Variants in HDAC6 observed in about 807,000 individuals in gnomAD.
The protein encoded by HDAC6 is histone deacetylase 6.
A neutral mutation model predicts 88.9 loss-of-function variants in HDAC6; 5 were observed. The ratio of observed to expected loss-of-function variants is 0.06; its 90% confidence interval spans 0.03 to 0.12. HDAC6 has a LOEUF of 0.12. Ranked by LOEUF, HDAC6 falls within the 10% of genes least tolerant of loss-of-function variation. The pLI, the probability that HDAC6 is intolerant of heterozygous loss-of-function variation, is 1.00. For missense variants in HDAC6, 706 were observed against 1,014.4 expected (o/e 0.70, Z 4.13); for synonymous variants, 378 against 398.0 (o/e 0.95, Z 0.60).
At chrX:48,810,486 A>T (rs1161634180) in intron 10 of HDAC6, 3 of 111,613 alleles carry the variant, frequency 2.7e-5, no homozygotes, top group Non-Finnish European at 5.7e-5. Flanking sequence ...ATTTTCTATT[A>T]GATCTTTGAT....
chrX:48,815,562 C>A lies in HDAC6; in HGVS notation c.1257-13C>A, dbSNP rs2062971647. The A allele has an allele frequency of 8.3e-7, 1 of 1,209,575 alleles. No homozygotes were observed. The highest frequency in any genetic ancestry group is 1.8e-5 in the South Asian group (1 of 56,943). On this transcript the variant is annotated splice_polypyrimidine_tract_variant and intron_variant, in intron 15 of 28. Transcript: ENST00000334136. ...CACATTCCTTGACATCATATTTTCT[C>A]CCTGCCCTGCAGTGCCCAGGCTTCA... is the stretch of plus-strand genomic sequence containing the variant.
In HDAC6 at chrX:48,815,455, C is replaced by T; in HGVS notation, c.1221C>T (p.Cys407=). 1 of 1,208,429 alleles carries T rather than the reference C, an allele frequency of 8.3e-7. No individual in the cohort carries two copies. Among genetic ancestry groups the T allele is most frequent in the South Asian group, 1.8e-5 (1 of 56,432 alleles). Residue 407 remains cysteine, a synonymous_variant, in exon 15 of 29, where the codon TGC becomes TGT. Transcript: ENST00000334136. ...ASLHTLLGDP[C]PMLESPGAPC... ...TCCACACCCTTCTGGGAGACCCTTG[C>T]CCCATGCTGGAGTCACCTGGTGCCC...
Position 48,824,626 on chromosome X carries a change from G to A in HDAC6, c.*14G>A, listed in dbSNP as rs782688640. ...CACCCACACTAAGCCCCAGAATACGGTCCCTCTTCACCTTCTGAGGCCCAC... is the reference window on the plus strand; with the variant it reads ...CACCCACACTAAGCCCCAGAATACGATCCCTCTTCACCTTCTGAGGCCCAC... On this transcript the variant is annotated 3_prime_UTR_variant, in exon 29 of 29. Transcript: ENST00000334136. The A allele has an allele frequency of 2.5e-6, 3 of 1,206,050 alleles. No homozygotes were observed. Among genetic ancestry groups the A allele is most frequent in the Non-Finnish European group, 3.4e-6 (3 of 892,927 alleles).
Position 48,823,160 on chromosome X carries a change from G to T in HDAC6, c.2761G>T (p.Ala921Ser). Residue 921 changes from alanine (A) to serine (S), a missense_variant, in exon 25 of 29, where the codon GCC becomes TCC. Ala to Ser is a moderately conservative substitution (Grantham distance 99, BLOSUM62 1). Coordinates refer to ENST00000334136, the MANE Select transcript of HDAC6 (RefSeq NM_006044.4). ...SEAATGGATL[A>S]QTISEAAIGG... The stretch of plus-strand genomic sequence containing the variant: ...GGCAGCCACAGGGGGAGCCACTCTG[G>T]CCCAGACCATTTCTGAGGCAGCCAT... 2 of 1,207,788 alleles carry T rather than the reference G, an allele frequency of 1.7e-6. No individual in the cohort carries two copies. Among genetic ancestry groups the T allele is most frequent in the Non-Finnish European group, 2.2e-6 (2 of 893,593 alleles).
intron 23 of HDAC6, 68 bp from the exon 24 acceptor site, chrX:48,822,552 A>G: frequency 1.1e-6 from 1 of 901,503 alleles, no homozygotes. Context: ...GGGAGGCAGG[A>G]CATGTTGTCC....
intron 19 of HDAC6, 143 bp from the exon 20 acceptor site, chrX:48,817,183 C>T (rs782796374): frequency 6.3e-6 from 4 of 634,570 alleles, no homozygotes; most frequent in Admixed American, 9.7e-5. Flanking sequence ...ACCTGGCAGG[C>T]GGCGCTTGCA....
At chrX:48,818,638 G>A (rs2063030660) in intron 22 of HDAC6, among the ~76,000 whole-genome samples, 1 of 112,521 alleles carries the variant, frequency 8.9e-6, no homozygotes, top group Non-Finnish European at 1.9e-5. Context: ...CACTGTGTGA[G>A]TGACTGTCTT....
intron 10 of HDAC6, chrX:48,813,661 C>T (rs2062935973): frequency 8.9e-6 from 1 of 112,183 alleles, no homozygotes; most frequent in African/African-American, 3.2e-5. Context: ...ACGTGCATCG[C>T]ATCTTTTCAG....
At chrX:48,806,528 A>C in intron 7 of HDAC6, 64 bp downstream of exon 7, 3 of 1,068,150 alleles carry the variant, frequency 2.8e-6, no homozygotes, top group Non-Finnish European at 3.9e-6. Flanking sequence ...CCCTATGCCC[A>C]CCCCACCCTG....
intron 4 of HDAC6, among the ~76,000 whole-genome samples, chrX:48,804,011 A>C (rs781852716): frequency 1.8e-5 from 2 of 111,423 alleles, no homozygotes; most frequent in South Asian, 7.5e-4. Flanking sequence ...AAAAATACAA[A>C]AATTAGTTGG....
intron 10 of HDAC6, chrX:48,813,659 C>T (rs1557026379): frequency 1.8e-5 from 2 of 112,063 alleles, no homozygotes; most frequent in Non-Finnish European, 3.8e-5. Context: ...ACACGTGCAT[C>T]GCATCTTTTC....
At chrX:48,815,314 T>C in intron 14 of HDAC6, 70 bp from the exon 15 acceptor site, 1 of 788,912 alleles carries the variant, frequency 1.3e-6, no homozygotes, top group Non-Finnish European at 1.9e-6. Context: ...TCTCTTATTA[T>C]CATCATTATT....
chrX:48,803,574 T>A (rs911747835), intron 4 of HDAC6: 4 of 152,652 alleles, frequency 2.6e-5, no homozygotes, highest in Admixed American at 7.4e-5. Context: ...GATCCTAAAC[T>A]AGTATCCGGG....
chrX:48,818,271 G>C lies in HDAC6; in HGVS notation c.2046G>C (p.Met682Ile). The change falls in exon 22 of 29, where the codon ATG (methionine) becomes ATC (isoleucine). Residue 682 changes from methionine (M) to isoleucine (I), a missense_variant. This residue lies in a region of HDAC6 where 138 missense variants were observed against 303.5 expected (regional missense o/e 0.45). Coordinates refer to ENST00000334136, the MANE Select transcript of HDAC6 (RefSeq NM_006044.4). ...HRYDHGTFFPMGDEGASSQIG... is the reference protein window; with the variant it reads ...HRYDHGTFFPIGDEGASSQIG... ...ATGATCATGGCACCTTCTTCCCCAT[G>C]GGGGATGAGGGTGCCAGCAGCCAGA... 1 of 1,199,059 alleles carries C rather than the reference G, an allele frequency of 8.3e-7. No homozygotes were observed. Among genetic ancestry groups the C allele is most frequent in the Non-Finnish European group, 1.1e-6 (1 of 888,635 alleles).
At chrX:48,805,863 G>A (rs1341134068) in intron 6 of HDAC6, 192 bp downstream of exon 6, 1 of 445,961 alleles carries the variant, frequency 2.2e-6, no homozygotes, top group Non-Finnish European at 3.9e-6. Context: ...AGAGTTTGAT[G>A]TGTGTCAGGT....
rs782756884 is a variant in HDAC6 at position 48,824,283 on chromosome X, G to A, written c.3568G>A (p.Val1190Ile). Residue 1190 changes from valine to isoleucine, a missense_variant, in exon 28 of 29, where the codon GTC becomes ATC. By Grantham distance (29) the Val-to-Ile change is conservative. This residue lies in a region of HDAC6 where 36 missense variants were observed against 35.5 expected (regional missense o/e 1.01). Transcript: ENST00000334136. ...CTGGTGTTACTACTGTCAGGCCTAT[G>A]TCCACCACCAGGTGGGCCCTGGGTA... is the stretch of plus-strand genomic sequence containing the variant. ...SAWCYYCQAY[V>I]HHQALLDVKN... 30 of 1,208,009 alleles carry A rather than the reference G, an allele frequency of 2.5e-5. No homozygotes were observed. In the South Asian group the frequency reaches 5.1e-4, roughly 21 times the overall value.
intron 4 of HDAC6, among the ~76,000 whole-genome samples, chrX:48,803,785 G>T (rs1456802539): frequency 8.9e-6 from 1 of 111,953 alleles, no homozygotes; most frequent in Non-Finnish European, 1.9e-5. Context: ...CCTCCTCCCT[G>T]GTCCCCTACT....
intron 10 of HDAC6, chrX:48,813,633 TG>T (rs1462425957): frequency 1.8e-5 from 2 of 112,460 alleles, no homozygotes; most frequent in Non-Finnish European, 3.8e-5. Context: ...GGCCCCTTGC[TG>T]GGCTTTCTGT....
chrX:48,804,034 A>G (rs1485620535), intron 4 of HDAC6, among the ~76,000 whole-genome samples: 2 of 111,707 alleles, frequency 1.8e-5, no homozygotes, highest in African/African-American at 6.5e-5. Flanking sequence ...GTGGTGGCAC[A>G]CACCTGTAAT....
Sources: allele counts gnomAD v4.1 joint callset (sites outside exome capture counted in the v4.1 genomes callset), GRCh38; gene constraint gnomAD v4.1.1; regional missense constraint gnomAD v4.1.1; transcripts MANE v1.5; gene names NCBI Gene and HGNC (gene_info 2026-07-23, HGNC 2026-07-21).